Variants in CALCRL observed in about 807,000 individuals in gnomAD.
CALCRL encodes calcitonin receptor like receptor, also known as calcitonin gene-related peptide type 1 receptor.
In CALCRL, 27 loss-of-function variants were observed where a neutral mutation model predicts 60.4. That is an observed-to-expected ratio of 0.45 (90% CI 0.33 to 0.62). The LOEUF is 0.62. Ranked by LOEUF, CALCRL falls within the 20% of genes least tolerant of loss-of-function variation. CALCRL has a pLI of 0.03. For synonymous variants in CALCRL, 190 were observed against 182.6 expected, an observed-to-expected ratio of 1.04 and a Z score of -0.33; for missense variants, 424 against 540.7, an observed-to-expected ratio of 0.78 and a Z score of 2.14.
At chr2:187,383,643 T>G (rs1688078598) in intron 4 of CALCRL, among the ~76,000 whole-genome samples, 1 of 152,146 alleles carries the variant, frequency 6.6e-6, no homozygotes, top group Non-Finnish European at 1.5e-5. Flanking sequence ...GACCCGAATG[T>G]TTTTCCTGGC....
intron 1 of CALCRL, among the ~76,000 whole-genome samples, chr2:187,441,202 T>G (rs1339333859): frequency 6.6e-6 from 1 of 152,128 alleles, no homozygotes; most frequent in East Asian, 1.9e-4. Context: ...ACAGTGAATC[T>G]GGTTGTTGTT....
intron 1 of CALCRL, among the ~76,000 whole-genome samples, chr2:187,443,627 G>C (rs1440775454): frequency 1.3e-5 from 2 of 151,658 alleles, no homozygotes; most frequent in Non-Finnish European, 3.0e-5. Context: ...ATCATTAAAA[G>C]TAAAATTTTA....
chr2:187,375,926 C>T (rs1687738615), intron 8 of CALCRL, among the ~76,000 whole-genome samples: 1 of 152,068 alleles, frequency 6.6e-6, no homozygotes, highest in South Asian at 2.1e-4. Flanking sequence ...AAATATTGAA[C>T]ATGATTTTAT....
chr2:187,364,336 T>C (rs546366764), intron 8 of CALCRL, among the ~76,000 whole-genome samples: 2 of 152,290 alleles, frequency 1.3e-5, no homozygotes, highest in Non-Finnish European at 2.9e-5. Flanking sequence ...AGGCTTATTA[T>C]GGATAAAGTT....
At chr2:187,365,698 C>G (rs945641624) in intron 8 of CALCRL, among the ~76,000 whole-genome samples, 9 of 152,068 alleles carry the variant, frequency 5.9e-5, no homozygotes, top group African/African-American at 2.2e-4. Context: ...AGAAGACTTT[C>G]AAAAATAGAA....
intron 8 of CALCRL, among the ~76,000 whole-genome samples, chr2:187,365,951 T>G (rs1687257060): frequency 1.3e-5 from 2 of 151,952 alleles, no homozygotes; most frequent in African/African-American, 4.8e-5. Context: ...TACAGCTAGA[T>G]AAGAGGAATA....
At chr2:187,413,052 G>T (rs966829234) in intron 1 of CALCRL, among the ~76,000 whole-genome samples, 5 of 152,046 alleles carry the variant, frequency 3.3e-5, no homozygotes, top group Admixed American at 3.3e-4. Context: ...TCAATTTATT[G>T]GTATATAAGG....
chr2:187,426,521 A>G (rs971524323), intron 1 of CALCRL, among the ~76,000 whole-genome samples: 3 of 152,078 alleles, frequency 2.0e-5, no homozygotes, highest in Non-Finnish European at 4.4e-5. Context: ...ACTAAGCTTC[A>G]AGCACGAATC....
intron 1 of CALCRL, among the ~76,000 whole-genome samples, chr2:187,392,857 C>G (rs1688507538): frequency 6.6e-6 from 1 of 152,060 alleles, no homozygotes; most frequent in South Asian, 2.1e-4. Context: ...GCTTGAGCTC[C>G]TGCACCTGGC....
intron 1 of CALCRL, among the ~76,000 whole-genome samples, chr2:187,436,422 C>A (rs73981578): frequency 0.066 from 9,989 of 152,186 alleles, 436 homozygotes; most frequent in South Asian, 0.13. Flanking sequence ...GAGACTGAGA[C>A]AGATTTTATG....
intron 14 of CALCRL, among the ~76,000 whole-genome samples, chr2:187,347,050 T>C (rs566031314): frequency 6.6e-6 from 1 of 151,958 alleles, no homozygotes; most frequent in African/African-American, 2.4e-5. Flanking sequence ...ACTCCATTTT[T>C]ATATATTTGA....
At chr2:187,373,144 T>C (rs975096323) in intron 8 of CALCRL, among the ~76,000 whole-genome samples, 1 of 152,146 alleles carries the variant, frequency 6.6e-6, no homozygotes, top group Non-Finnish European at 1.5e-5. Flanking sequence ...TAAAAATTTA[T>C]TGAGTGCCTA....
chr2:187,402,480 A>G (rs1378581714), intron 1 of CALCRL, among the ~76,000 whole-genome samples: 1 of 151,468 alleles, frequency 6.6e-6, no homozygotes, highest in African/African-American at 2.4e-5. Context: ...AGAATATGAT[A>G]CTTTTCTGGA....
chr2:187,438,812 T>A (rs1007470967), intron 1 of CALCRL, among the ~76,000 whole-genome samples: 3 of 152,192 alleles, frequency 2.0e-5, no homozygotes, highest in Non-Finnish European at 4.4e-5. Context: ...ACAGGAAGCA[T>A]CTTTACTAAC....
intron 1 of CALCRL, among the ~76,000 whole-genome samples, chr2:187,416,079 G>A (rs2105860364): frequency 6.6e-6 from 1 of 152,226 alleles, no homozygotes; most frequent in South Asian, 2.1e-4. Flanking sequence ...AAGTATTATT[G>A]AAAAATGCTA....
intron 1 of CALCRL, among the ~76,000 whole-genome samples, chr2:187,401,456 A>T (rs1334974846): frequency 6.6e-6 from 1 of 151,680 alleles, no homozygotes; most frequent in Non-Finnish European, 1.5e-5. Flanking sequence ...GATTTGAAAA[A>T]CATACATTTT....
intron 12 of CALCRL, among the ~76,000 whole-genome samples, chr2:187,355,207 C>T (rs1319355074): frequency 1.3e-5 from 2 of 152,050 alleles, no homozygotes; most frequent in East Asian, 3.9e-4. Context: ...AGGTTAAAAA[C>T]AAAATAAAAC....
intron 5 of CALCRL, among the ~76,000 whole-genome samples, chr2:187,382,269 T>C (rs1420995755): frequency 6.6e-6 from 1 of 152,160 alleles, no homozygotes; most frequent in Non-Finnish European, 1.5e-5. Flanking sequence ...TAGCTCTTTA[T>C]TGCAAGACTT....
chr2:187,349,161 A>T (rs2105688515), intron 14 of CALCRL, among the ~76,000 whole-genome samples: 1 of 151,738 alleles, frequency 6.6e-6, no homozygotes, highest in South Asian at 2.1e-4. Context: ...ATCTACCCTC[A>T]GGTGTTGTTA....
Sources: allele counts gnomAD v4.1 joint callset (sites outside exome capture counted in the v4.1 genomes callset), GRCh38; gene constraint gnomAD v4.1.1; transcripts MANE v1.5; gene names NCBI Gene and HGNC (gene_info 2026-07-23, HGNC 2026-07-21).